The following FAM3A variants were observed in gnomAD, a reference collection of about 807,000 sequenced individuals.
FAM3A encodes FAM3 metabolism regulating signaling molecule A.
In FAM3A, 5 loss-of-function variants were observed where a neutral mutation model predicts 18.1. The ratio of observed to expected loss-of-function variants is 0.28; its 90% CI spans 0.14 to 0.58. The LOEUF is 0.58. Ranked by LOEUF, FAM3A falls within the 20% of genes least tolerant of loss-of-function variation. FAM3A has a pLI of 0.91. For synonymous variants in FAM3A, 108 were observed against 90.2 expected (o/e 1.20, Z -1.12); for missense variants, 154 against 216.6 (o/e 0.71, Z 1.81).
chrX:154,507,382 A>AGG, intron 7 of FAM3A, 24 bp downstream of exon 7: 5 of 1,211,613 alleles, frequency 4.1e-6, no homozygotes, highest in Non-Finnish European at 3.4e-6. Context: ...GGCAAGGCTG[A>AGG]GGCTGGCCTC....
intron 6 of FAM3A, 33 bp from the exon 7 acceptor site, chrX:154,507,523 T>A: frequency 4.3e-6 from 5 of 1,169,732 alleles, no homozygotes; most frequent in Non-Finnish European, 5.8e-6. Flanking sequence ...ACAGGGGTCA[T>A]CAGGCACCAC....
rs1007703837 is a variant in FAM3A at position 154,508,335 on chromosome X, G to A, written c.288C>T (p.Ser96=). 9.7e-6 allele frequency: 9 copies of A among 931,271 alleles called. No individual in the cohort carries two copies. Among genetic ancestry groups the A allele is most frequent in the African/African-American group, 9.2e-5 (4 of 43,353 alleles). 76.7% of individuals were successfully genotyped at this position (931,271 alleles called of 1,213,427 possible). Residue 96 remains serine, a synonymous_variant, in exon 5 of 9, where the codon AGC becomes AGT. Coordinates refer to ENST00000447601, the MANE Select transcript of FAM3A (RefSeq NM_021806.4). ...GCCCGCGGCCCACGTTGTCCTTGACGCTGCTCATCAGCCTAGTTGGGGGGG... is the reference window on the plus strand; with the variant it reads ...GCCCGCGGCCCACGTTGTCCTTGACACTGCTCATCAGCCTAGTTGGGGGGG... The part of the protein sequence containing the change: ...ICLEDKMLMS[S]VKDNVGRGLN...
Position 154,512,227 on chromosome X carries a change from CAATAATAATAATAATAAT to C in FAM3A, c.128-374_128-357del, listed in dbSNP as rs782325424. On this transcript the variant is annotated intron_variant, in intron 2 of 8. Transcript: ENST00000447601. The stretch of plus-strand genomic sequence containing the variant: ...TGAAACCCCATCTCTACTAAAAATA[CAATAATAATAATAATAAT>C]AATAATAATAATAATAATAATAAGA... 2.4e-3 allele frequency: 356 copies of C among 148,690 alleles called. 10 individuals carry two copies. Among genetic ancestry groups the C allele is most frequent in the Admixed American group, 0.015 (154 of 9,993 alleles). The allele number at this position is 148,690 out of a possible 1,213,427, so 12.3% of individuals were successfully genotyped here. A position where few individuals can be genotyped will look rare whatever the true frequency, so the allele number is the denominator to read the frequency against.
At chrX:154,512,230 T>TAA (rs2069917528) in intron 2 of FAM3A, 1 of 4,404 alleles carries the variant, frequency 2.3e-4, no homozygotes, top group Non-Finnish European at 4.0e-4. Flanking sequence ...AAAAATACAA[T>TAA]AATAATAATA....
At chrX:154,512,678 G>A (rs946838786) in intron 2 of FAM3A, 145 bp downstream of exon 2, 4 of 467,646 alleles carry the variant, frequency 8.6e-6, no homozygotes, top group Non-Finnish European at 1.1e-5. Context: ...CTGATGCCAG[G>A]AGACAGACTG....
chrX:154,507,194 C>T lies in FAM3A; in HGVS notation c.597+9G>A, dbSNP rs782305004. Reference sequence around the variant, plus strand: ...CCCCGGTGGGGGTGATGCCAGGCACCCCCCATACCTGCTCAAAGGGGCTCT... The same window carrying T: ...CCCCGGTGGGGGTGATGCCAGGCACTCCCCATACCTGCTCAAAGGGGCTCT... On this transcript the variant is annotated intron_variant, in intron 8 of 8. Coordinates refer to ENST00000447601, the MANE Select transcript of FAM3A (RefSeq NM_021806.4). The T allele has an allele frequency of 2.5e-5, 30 of 1,192,048 alleles. No individual in the cohort carries two copies. The South Asian group carries it at 4.7e-4, about 19-fold the overall frequency.
rs2148288462 is a variant in FAM3A, at chrX:154,506,902, A to G, written c.602T>C (p.Val201Ala). 8.3e-7 allele frequency: 1 copy of G among 1,207,633 alleles called. No homozygotes were observed. The highest frequency in any genetic ancestry group is 3.0e-5 in the East Asian group (1 of 33,785). The change falls in exon 9 of 9, where the codon GTG becomes GCG. Residue 201 changes from valine to alanine, a missense_variant. By Grantham distance (64) the Val-to-Ala change is moderately conservative. This residue lies in a region of FAM3A where 39 missense variants were observed against 38.5 expected (regional missense o/e 1.01). Coordinates refer to ENST00000447601, the MANE Select transcript of FAM3A (RefSeq NM_021806.4). ...CTTGTTGCTGTGCTTACTGTTCTTC[A>G]CGTGCTGTGGGGAGGGGAGCAGAAA... ...VQNKSPFEQH[V>A]KNSKHSNKYE... is the part of the protein sequence containing the mutation.
intron 6 of FAM3A, 133 bp downstream of exon 6, chrX:154,507,678 T>C (rs1238167418): frequency 6.0e-6 from 5 of 836,350 alleles, no homozygotes; most frequent in Non-Finnish European, 8.7e-6. Flanking sequence ...AAGCTGGCGA[T>C]GCCCCTGTCC....
rs782790300 is a variant in FAM3A, at chrX:154,507,456, C to A, written c.420G>T (p.Leu140=). 1.8e-5 allele frequency: 22 copies of A among 1,211,186 alleles called. No individual in the cohort carries two copies. The highest frequency in any genetic ancestry group is 2.5e-5 in the Non-Finnish European group (22 of 895,465). ...VNDLLKFIRP[L]HEGTLVFVAS... Reference sequence around the variant, plus strand: ...CCACGAACACCAGGGTGCCTTCGTGCAGTGGCCGAATAAACTTCAACAGGT... The same window carrying A: ...CCACGAACACCAGGGTGCCTTCGTGAAGTGGCCGAATAAACTTCAACAGGT... The change falls in exon 7 of 9, where the codon CTG becomes CTT. Residue 140 remains leucine (L), a synonymous_variant. Coordinates refer to ENST00000447601, the MANE Select transcript of FAM3A (RefSeq NM_021806.4).
intron 8 of FAM3A, 120 bp downstream of exon 8, chrX:154,507,083 T>C (rs1296972030): frequency 9.9e-7 from 1 of 1,013,613 alleles, no homozygotes; most frequent in Non-Finnish European, 1.3e-6. Context: ...GGCCCACCCC[T>C]CATAGCTGGA....
chrX:154,514,492 C>T (rs1170246215), intron 1 of FAM3A, among the ~76,000 whole-genome samples: 2 of 111,111 alleles, frequency 1.8e-5, no homozygotes, highest in African/African-American at 6.6e-5. Flanking sequence ...CAAGCTCCGC[C>T]TCCCGGTTAC....
intron 4 of FAM3A, 23 bp downstream of exon 4, chrX:154,508,451 C>A (rs782595911): frequency 3.5e-5 from 42 of 1,196,747 alleles, no homozygotes; most frequent in Non-Finnish European, 4.5e-5. Context: ...CTCCCTGATC[C>A]CCAGTCACCC....
rs1557220488 is a variant in FAM3A at position 154,508,362 on chromosome X, G to T, written c.276-15C>A. ...TGCTCATCAGCCTAGTTGGGGGGGG[G>T]TGGGGGGGACGGGGAGATCCCACAT... On this transcript the variant is annotated splice_polypyrimidine_tract_variant and intron_variant, in intron 4 of 8. Transcript: ENST00000447601. The T allele has an allele frequency of 2.4e-5, 9 of 376,582 alleles. No individual in the cohort carries two copies. The highest frequency in any genetic ancestry group is 4.3e-5 in the Non-Finnish European group (9 of 211,691). 31.0% of individuals were successfully genotyped at this position (376,582 alleles called of 1,213,427 possible). A position where few individuals can be genotyped will look rare whatever the true frequency, so the allele number is the denominator to read the frequency against.
In FAM3A at chrX:154,508,856, T is replaced by A. The variant is rs782225464; in HGVS notation, c.152-259A>T. The A allele has an allele frequency of 6.4e-6, 3 of 469,509 alleles. No individual in the cohort carries two copies. The South Asian group carries it at 7.8e-5, about 12-fold the overall frequency. The allele number at this position is 469,509 out of a possible 1,213,427, so 38.7% of individuals were successfully genotyped here. A position where few individuals can be genotyped will look rare whatever the true frequency, so the allele number is the denominator to read the frequency against. On this transcript the variant is annotated intron_variant, in intron 3 of 8. Coordinates refer to ENST00000447601, the MANE Select transcript of FAM3A (RefSeq NM_021806.4). ...GATGCTGAGGGCTGGCCTGGGCCAC[T>A]GCACAGCCAGGAACAAAGCAGGGGT...
Position 154,516,169 on chromosome X carries a change from A to G in FAM3A, c.-397T>C, listed in dbSNP as rs1263179710. 1 of 133,632 alleles carries G rather than the reference A, an allele frequency of 7.5e-6. No homozygotes were observed. Among genetic ancestry groups the G allele is most frequent in the African/African-American group, 3.2e-5 (1 of 31,464 alleles). 11.0% of individuals were successfully genotyped at this position (133,632 alleles called of 1,213,427 possible). A position where few individuals can be genotyped will look rare whatever the true frequency, so the allele number is the denominator to read the frequency against. ...GGGAGGTTCCCTGTCAGGCCCGCCG[A>G]CCCGCTCCGCCCCGGGAGAGGACGC... On this transcript the variant is annotated 5_prime_UTR_variant, in exon 1 of 9. Coordinates refer to ENST00000447601, the MANE Select transcript of FAM3A (RefSeq NM_021806.4).
intron 2 of FAM3A, chrX:154,512,441 A>G (rs782277881): frequency 4.6e-6 from 1 of 218,628 alleles, no homozygotes; most frequent in South Asian, 7.1e-5. Context: ...ACTGTCTCAA[A>G]CAAACAAACA....
intron 1 of FAM3A, 95 bp from the exon 2 acceptor site, chrX:154,513,031 C>T (rs2069982618): frequency 1.8e-6 from 1 of 557,752 alleles, no homozygotes; most frequent in African/African-American, 2.3e-5. Context: ...TCCCCTGCCA[C>T]TTGGGAAGAA....
In FAM3A at chrX:154,508,733, G is replaced by A. The variant is rs782183037; in HGVS notation, c.152-136C>T. On this transcript the variant is annotated intron_variant, in intron 3 of 8. Transcript: ENST00000447601. ...ACACAAGTAGGGGGATGTGGCTCAG[G>A]CCGAGGCTGGGGACACTTCCATACT... is the stretch of plus-strand genomic sequence containing the variant. 1.7e-5 allele frequency: 13 copies of A among 782,088 alleles called. No individual in the cohort carries two copies. In the African/African-American group the frequency reaches 2.3e-4, roughly 14 times the overall value. 64.5% of individuals were successfully genotyped at this position (782,088 alleles called of 1,213,427 possible).
chrX:154,513,397 C>T (rs145368614), intron 1 of FAM3A, among the ~76,000 whole-genome samples: 78 of 111,428 alleles, frequency 7.0e-4, no homozygotes, highest in Admixed American at 1.1e-3. Context: ...TTTAGGAGGC[C>T]GAGGCGGGTA....
Sources: allele counts gnomAD v4.1 joint callset (sites outside exome capture counted in the v4.1 genomes callset), GRCh38; gene constraint gnomAD v4.1.1; regional missense constraint gnomAD v4.1.1; transcripts MANE v1.5; gene names NCBI Gene and HGNC (gene_info 2026-07-23, HGNC 2026-07-21).